Variants in NUCKS1 observed in about 807,000 individuals in gnomAD.
NUCKS1 encodes the protein nuclear casein kinase and cyclin dependent kinase substrate 1.
In NUCKS1, 2 loss-of-function variants were observed where a neutral mutation model predicts 33.0. That is an observed-to-expected ratio of 0.06 (90% CI 0.02 to 0.19). The LOEUF (loss-of-function observed/expected upper bound fraction) is 0.19, where lower values mean the gene tolerates loss of function less well. Among genes scored for constraint, NUCKS1 ranks in the 10% least tolerant of loss-of-function variants. NUCKS1 has a pLI of 1.00. For missense variants in NUCKS1, 201 were observed against 293.6 expected, an observed-to-expected ratio of 0.68 and a Z score of 2.31; for synonymous variants, 106 against 102.8, an observed-to-expected ratio of 1.03 and a Z score of -0.19.
At chr1:205,727,858 ACCAC>A in intron 2 of NUCKS1, 53 bp from the exon 3 acceptor site, 7 of 1,179,536 alleles carry the variant, frequency 5.9e-6, no homozygotes, top group Non-Finnish European at 8.8e-6. Context: ...TGTTAAAATC[ACCAC>A]TATATTTACT....
intron 5 of NUCKS1, 78 bp downstream of exon 5, chr1:205,720,423 A>C: frequency 6.7e-7 from 1 of 1,483,950 alleles, no homozygotes; most frequent in Non-Finnish European, 9.2e-7. Flanking sequence ...TTAGCATCCT[A>C]GAAAATGCCA....
rs761001182 is a variant in NUCKS1, at chr1:205,729,038, G to A, written c.67+534C>T. On this transcript the variant is annotated intron_variant, in intron 2 of 6. Coordinates refer to ENST00000367142, the MANE Select transcript of NUCKS1 (RefSeq NM_022731.5). The stretch of plus-strand genomic sequence containing the variant: ...GGCTGGAGTGCAGTGGCGCCATCTC[G>A]GCTCACTGCAACCTCCGCCTCCCGA... Among the ~76,000 whole-genome samples the A allele has an allele frequency of 1.4e-4, 21 of 151,854 alleles. No individual in the cohort carries two copies. The South Asian group carries it at 3.1e-3, about 23-fold the overall frequency.
At chr1:205,745,506 C>T (rs193134824) in intron 1 of NUCKS1, among the ~76,000 whole-genome samples, 39 of 152,058 alleles carry the variant, frequency 2.6e-4, no homozygotes, top group Admixed American at 2.2e-3. Flanking sequence ...AAAAGTATCT[C>T]TGAAAATTAT....
At chr1:205,744,627 AGAGTTTTT>A (rs1654265739) in intron 1 of NUCKS1, among the ~76,000 whole-genome samples, 1 of 25,336 alleles carries the variant, frequency 3.9e-5, no homozygotes, top group Non-Finnish European at 7.2e-5. Flanking sequence ...TAAGTTCACT[AGAGTTTTT>A]TTTTTTTTTT....
At position 205,718,026 on chromosome 1, in the gene NUCKS1, G is replaced by C; in HGVS notation, c.*254C>G. 9.0e-7 allele frequency: 1 copy of C among 1,107,710 alleles called. No homozygotes were observed. Among genetic ancestry groups the C allele is most frequent in the Non-Finnish European group, 1.1e-6 (1 of 912,810 alleles). 68.6% of individuals were successfully genotyped at this position (1,107,710 alleles called of 1,614,324 possible). A position where few individuals can be genotyped will look rare whatever the true frequency, so the allele number is the denominator to read the frequency against. ...CTTTCATTGGGAAAGGGGAGGGCTG[G>C]CAAAGAGACCAATAGACAAAAAGGT... On this transcript the variant is annotated 3_prime_UTR_variant, in exon 7 of 7. Transcript: ENST00000367142.
At chr1:205,731,348 T>G (rs1398195121) in intron 1 of NUCKS1, 1 of 152,314 alleles carries the variant, frequency 6.6e-6, no homozygotes, top group African/African-American at 2.4e-5. Flanking sequence ...TGAGAATATC[T>G]GCAGAATCTA....
At position 205,716,499 on chromosome 1, in the gene NUCKS1, ACTG is replaced by A. The variant is rs780674392; in HGVS notation, c.*1778_*1780del. 5.9e-5 allele frequency: 9 copies of A among 152,192 alleles called. No individual in the cohort carries two copies. The highest frequency in any genetic ancestry group is 8.8e-5 in the Non-Finnish European group (6 of 68,036). 9.4% of individuals were successfully genotyped at this position (152,192 alleles called of 1,614,324 possible). ...AACCGTCATGAAAGAGAATGATCCA[ACTG>A]CTATTTATGTTCAAGTCCTGTATTT... On this transcript the variant is annotated 3_prime_UTR_variant, in exon 7 of 7. Transcript: ENST00000367142.
intron 1 of NUCKS1, chr1:205,731,197 T>C (rs1340719601): frequency 6.6e-6 from 1 of 152,200 alleles, no homozygotes; most frequent in Non-Finnish European, 1.5e-5. Flanking sequence ...ACTTTTTTTT[T>C]CCTTTTCCAA....
At chr1:205,727,621 A>G in intron 3 of NUCKS1, 79 bp downstream of exon 3, 1 of 964,170 alleles carries the variant, frequency 1.0e-6, no homozygotes, top group Admixed American at 1.8e-5. Flanking sequence ...ATGAGATTCC[A>G]ACAATTTAGA....
intron 1 of NUCKS1, among the ~76,000 whole-genome samples, chr1:205,745,789 T>C (rs1020241588): frequency 3.9e-5 from 6 of 152,224 alleles, no homozygotes; most frequent in Non-Finnish European, 7.3e-5. Flanking sequence ...TGTTTTGTCA[T>C]GTTACATGGT....
intron 3 of NUCKS1, among the ~76,000 whole-genome samples, chr1:205,726,660 G>A (rs912464428): frequency 6.6e-6 from 1 of 152,134 alleles, no homozygotes; most frequent in African/African-American, 2.4e-5. Flanking sequence ...ATGTACTTTG[G>A]AGTCCAACAG....
chr1:205,746,134 A>T (rs1026693651), intron 1 of NUCKS1, among the ~76,000 whole-genome samples: 2 of 146,706 alleles, frequency 1.4e-5, no homozygotes, highest in Non-Finnish European at 3.0e-5. Context: ...TGTCCCTACT[A>T]AAAATACAAA....
chr1:205,735,805 A>G (rs1449284682), intron 1 of NUCKS1, among the ~76,000 whole-genome samples: 2 of 152,246 alleles, frequency 1.3e-5, no homozygotes, highest in Admixed American at 1.3e-4. Flanking sequence ...TTTTGAACAC[A>G]TAACTAACTC....
rs193248041 is a variant in NUCKS1, at chr1:205,741,911, A to G, written c.17+8046T>C. Reference sequence around the variant, plus strand: ...CAAAATGACTTAGATCTTCCTGACAAAAGTGTGACGTTCATTTTTACTCAG... The same window carrying G: ...CAAAATGACTTAGATCTTCCTGACAGAAGTGTGACGTTCATTTTTACTCAG... On this transcript the variant is annotated intron_variant, in intron 1 of 6. Transcript: ENST00000367142. Among the ~76,000 whole-genome samples, 8 of 152,358 alleles carry G rather than the reference A, an allele frequency of 5.3e-5. 1 individual carries two copies. The South Asian group carries it at 1.2e-3, about 24-fold the overall frequency.
rs1416573283 is a variant in NUCKS1 at position 205,714,456 on chromosome 1, T to C, written c.*3824A>G. ...AGGTTTACGGGATGTTTCCCAATAG[T>C]GGTTATTACACAGTCAGCACCACTG... On this transcript the variant is annotated 3_prime_UTR_variant, in exon 7 of 7. Transcript: ENST00000367142. 3 of 150,988 alleles carry C rather than the reference T, an allele frequency of 2.0e-5. No homozygotes were observed. The highest frequency in any genetic ancestry group is 7.3e-5 in the African/African-American group (3 of 41,134). 9.4% of individuals were successfully genotyped at this position (150,988 alleles called of 1,614,324 possible). A position where few individuals can be genotyped will look rare whatever the true frequency, so the allele number is the denominator to read the frequency against.
At chr1:205,724,002 G>A (rs1057267514) in intron 3 of NUCKS1, 21 bp from the exon 4 acceptor site, 24 of 1,586,426 alleles carry the variant, frequency 1.5e-5, no homozygotes, top group Non-Finnish European at 2.0e-5. Context: ...AGGCAAAAAA[G>A]CAAATGCATA....
intron 1 of NUCKS1, among the ~76,000 whole-genome samples, chr1:205,746,182 G>T (rs1266868065): frequency 6.6e-6 from 1 of 151,988 alleles, no homozygotes. Context: ...TGTAATTCCA[G>T]CTACTCTGAG....
intron 1 of NUCKS1, among the ~76,000 whole-genome samples, chr1:205,740,848 G>GTA (rs557062077): frequency 2.1e-4 from 32 of 149,066 alleles, no homozygotes; most frequent in Admixed American, 4.0e-4. Flanking sequence ...TACTTAGTAT[G>GTA]TATATATATA....
chr1:205,732,529 T>C (rs1482441914), intron 1 of NUCKS1, among the ~76,000 whole-genome samples: 1 of 152,106 alleles, frequency 6.6e-6, no homozygotes, highest in Non-Finnish European at 1.5e-5. Flanking sequence ...ATGCCTGTAA[T>C]CCCAGCACTT....
Sources: allele counts gnomAD v4.1 joint callset (sites outside exome capture counted in the v4.1 genomes callset), GRCh38; gene constraint gnomAD v4.1.1; transcripts MANE v1.5; gene names NCBI Gene and HGNC (gene_info 2026-07-23, HGNC 2026-07-21).